Variants in ZSWIM5 observed in about 807,000 individuals in gnomAD.
ZSWIM5 encodes the protein zinc finger SWIM domain-containing protein 5.
A neutral mutation model predicts 119.6 loss-of-function variants in ZSWIM5; 55 were observed. The observed-to-expected ratio is 0.46, with a 90% CI of 0.37 to 0.58. The LOEUF is 0.58. Among genes scored for constraint, ZSWIM5 ranks in the 20% least tolerant of loss-of-function variants. The pLI, the probability that ZSWIM5 is intolerant of heterozygous loss-of-function variation, is 0.00. For missense variants in ZSWIM5, 1,193 were observed against 1,512.8 expected (o/e 0.79, Z 3.51); for synonymous variants, 537 against 606.9 (o/e 0.88, Z 1.69).
chr1:45,160,922 C>T (rs1021799115), intron 1 of ZSWIM5, among the ~76,000 whole-genome samples: 14 of 150,172 alleles, frequency 9.3e-5, no homozygotes, highest in African/African-American at 1.2e-4. Context: ...CCCGGGTTCA[C>T]GCCATTCTCC....
chr1:45,167,560 T>C (rs1645913949), intron 1 of ZSWIM5, among the ~76,000 whole-genome samples: 3 of 152,054 alleles, frequency 2.0e-5, no homozygotes, highest in African/African-American at 7.2e-5. Context: ...GAGAAAATTT[T>C]TGCAATCTAC....
Position 45,044,698 on chromosome 1 carries a change from T to C in ZSWIM5, c.1433-1303A>G, listed in dbSNP as rs370007919. ...GAGATCGCGCCACTGCACTCCAGCC[T>C]GGGCGACAGAGCCAGACTCCGTCTC... On this transcript the variant is annotated intron_variant, in intron 5 of 13. Coordinates refer to ENST00000359600, the MANE Select transcript of ZSWIM5 (RefSeq NM_020883.2). 1.0e-3 allele frequency among the ~76,000 whole-genome samples: 93 copies of C among 90,076 alleles called. 1 individual carries two copies. Among genetic ancestry groups the C allele is most frequent in the African/African-American group, 3.9e-3 (87 of 22,438 alleles). 59.1% of individuals were successfully genotyped at this position (90,076 alleles called of 152,430 possible). A position where few individuals can be genotyped will look rare whatever the true frequency, so the allele number is the denominator to read the frequency against.
At chr1:45,043,506 ACT>A in intron 5 of ZSWIM5, 111 bp from the exon 6 acceptor site, 1 of 1,050,626 alleles carries the variant, frequency 9.5e-7, no homozygotes, top group Non-Finnish European at 1.4e-6. Flanking sequence ...TAAAAGAATA[ACT>A]CTGGCAGCAG....
In ZSWIM5 at chr1:45,036,020, G is replaced by A. The variant is rs530933322; in HGVS notation, c.2155+19C>T. 1.2e-6 allele frequency: 2 copies of A among 1,609,644 alleles called. No individual in the cohort carries two copies. The highest frequency in any genetic ancestry group is 1.7e-6 in the Non-Finnish European group (2 of 1,176,994). ...TCATGGGCCAAAGACACCGTGACAA[G>A]AGACTCTTTTCTACTTACCTTCCAG... On this transcript the variant is annotated intron_variant, in intron 9 of 13. Coordinates refer to ENST00000359600, the MANE Select transcript of ZSWIM5 (RefSeq NM_020883.2).
chr1:45,139,295 C>T (rs1645710886), intron 1 of ZSWIM5, among the ~76,000 whole-genome samples: 1 of 152,072 alleles, frequency 6.6e-6, no homozygotes, highest in Non-Finnish European at 1.5e-5. Context: ...ATCTTCCCAC[C>T]TCAGCCTCCT....
At chr1:45,111,394 C>T (rs1276842247) in intron 1 of ZSWIM5, among the ~76,000 whole-genome samples, 1 of 152,142 alleles carries the variant, frequency 6.6e-6, no homozygotes, top group Non-Finnish European at 1.5e-5. Context: ...GGCCTGGCAA[C>T]AAGAAATATA....
At chr1:45,091,298 ACCC>A (rs1645362863) in intron 1 of ZSWIM5, among the ~76,000 whole-genome samples, 1 of 152,054 alleles carries the variant, frequency 6.6e-6, no homozygotes, top group East Asian at 1.9e-4. Flanking sequence ...TGATACAAAG[ACCC>A]TCACAGAAGG....
At chr1:45,079,898 G>T (rs962966741) in intron 2 of ZSWIM5, among the ~76,000 whole-genome samples, 6 of 152,150 alleles carry the variant, frequency 3.9e-5, no homozygotes, top group Non-Finnish European at 7.3e-5. Flanking sequence ...CTGGCCCAAG[G>T]TGTGTCAAGA....
At chr1:45,196,919 G>C (rs1646129197) in intron 1 of ZSWIM5, among the ~76,000 whole-genome samples, 1 of 152,074 alleles carries the variant, frequency 6.6e-6, no homozygotes, top group Admixed American at 6.5e-5. Context: ...ATTTAAAATA[G>C]AGCCCAAGAG....
At position 45,070,031 on chromosome 1, in the gene ZSWIM5, G is replaced by A. The variant is rs546340489; in HGVS notation, c.953-9784C>T. The A allele has an allele frequency of 4.0e-5, 32 of 799,960 alleles. No individual in the cohort carries two copies. In the Admixed American group the frequency reaches 4.7e-4, roughly 12 times the overall value. 49.6% of individuals were successfully genotyped at this position (799,960 alleles called of 1,614,324 possible). A position where few individuals can be genotyped will look rare whatever the true frequency, so the allele number is the denominator to read the frequency against. On this transcript the variant is annotated intron_variant, in intron 2 of 13. Coordinates refer to ENST00000359600, the MANE Select transcript of ZSWIM5 (RefSeq NM_020883.2). The stretch of plus-strand genomic sequence containing the variant: ...TTCTCATGAATACTTGAGTAGCTAT[G>A]AAAAACCTCAATAAGACACACACGA...
chr1:45,063,530 C>T (rs563915060), intron 2 of ZSWIM5, among the ~76,000 whole-genome samples: 60 of 152,210 alleles, frequency 3.9e-4, no homozygotes, highest in Non-Finnish European at 5.7e-4. Context: ...TCTTGTCTTC[C>T]CCTACACTTA....
intron 11 of ZSWIM5, among the ~76,000 whole-genome samples, chr1:45,021,515 T>C (rs986719311): frequency 6.6e-6 from 1 of 152,120 alleles, no homozygotes; most frequent in Non-Finnish European, 1.5e-5. Context: ...TATAACATCA[T>C]ATGAGGTGAA....
At chr1:45,180,556 G>T (rs1646010563) in intron 1 of ZSWIM5, among the ~76,000 whole-genome samples, 1 of 152,180 alleles carries the variant, frequency 6.6e-6, no homozygotes. Flanking sequence ...AAATGTCCCT[G>T]TCTGACAGCT....
At chr1:45,121,211 A>G (rs996831261) in intron 1 of ZSWIM5, among the ~76,000 whole-genome samples, 7 of 152,166 alleles carry the variant, frequency 4.6e-5, no homozygotes, top group African/African-American at 1.7e-4. Context: ...TCAGCCTCCC[A>G]AAGTGTTCGG....
At chr1:45,165,288 A>G (rs1243989429) in intron 1 of ZSWIM5, among the ~76,000 whole-genome samples, 1 of 152,134 alleles carries the variant, frequency 6.6e-6, no homozygotes, top group African/African-American at 2.4e-5. Flanking sequence ...GACACAACAT[A>G]CCAGAATCTC....
At position 45,205,919 on chromosome 1, in the gene ZSWIM5, C is replaced by A; in HGVS notation, c.432G>T (p.Gly144=). The stretch of plus-strand genomic sequence containing the variant: ...GGGCGGAGCCGGCCGGAGCGGCGGC[C>A]CCGGGGGGTGGCTGCGGCCCCTCCT... ...PAEEGPQPPP[G]AAAPAGSAPG... The change falls in exon 1 of 14, where the codon GGG becomes GGT. Residue 144 remains glycine (G), a synonymous_variant. Coordinates refer to ENST00000359600, the MANE Select transcript of ZSWIM5 (RefSeq NM_020883.2). The A allele has an allele frequency of 9.2e-7, 1 of 1,091,104 alleles. No homozygotes were observed. The highest frequency in any genetic ancestry group is 1.7e-5 in the African/African-American group (1 of 59,060). 67.6% of individuals were successfully genotyped at this position (1,091,104 alleles called of 1,614,324 possible). A position where few individuals can be genotyped will look rare whatever the true frequency, so the allele number is the denominator to read the frequency against.
chr1:45,070,277 A>T, intron 2 of ZSWIM5: 4 of 1,459,874 alleles, frequency 2.7e-6, no homozygotes, highest in South Asian at 1.1e-5. Flanking sequence ...CAACAATAAC[A>T]TCATAAATTA....
At chr1:45,029,782 T>C (rs1225747933) in intron 11 of ZSWIM5, among the ~76,000 whole-genome samples, 1 of 152,240 alleles carries the variant, frequency 6.6e-6, no homozygotes, top group Non-Finnish European at 1.5e-5. Context: ...TCATTCCTTT[T>C]ATGGCTGAAT....
intron 1 of ZSWIM5, among the ~76,000 whole-genome samples, chr1:45,112,827 G>A (rs1645526521): frequency 6.6e-6 from 1 of 152,196 alleles, no homozygotes; most frequent in African/African-American, 2.4e-5. Flanking sequence ...GCATCACCCA[G>A]GGAAACGAAG....
Sources: gnomAD v4.1 joint callset for allele counts (sites outside exome capture counted in the v4.1 genomes callset) on GRCh38, gnomAD v4.1.1 for gene constraint, MANE v1.5 for transcripts, NCBI Gene and HGNC (gene_info 2026-07-23, HGNC 2026-07-21) for gene names.